The following CDH4 variants were observed in gnomAD, a reference collection of about 807,000 sequenced individuals.
CDH4 encodes the protein cadherin-4.
Under a neutral mutation model 86.0 loss-of-function variants are expected in CDH4, and 33 were observed. That is an observed-to-expected ratio of 0.38 (90% CI 0.29 to 0.51). CDH4 has a LOEUF of 0.51. Ranked by LOEUF, CDH4 falls within the 20% of genes least tolerant of loss-of-function variation. The pLI, the probability that CDH4 is intolerant of heterozygous loss-of-function variation, is 0.86. For synonymous variants in CDH4, 555 were observed against 549.4 expected (o/e 1.01, Z -0.14); for missense variants, 1,114 against 1,307.4 (o/e 0.85, Z 2.28).
At chr20:61,282,580 T>G (rs1405211943) in intron 2 of CDH4, among the ~76,000 whole-genome samples, 3 of 151,954 alleles carry the variant, frequency 2.0e-5, no homozygotes, top group South Asian at 4.2e-4. Context: ...TGTATGTCTA[T>G]CTGTACTTGT....
chr20:61,312,498 G>T (rs4810232), intron 2 of CDH4, among the ~76,000 whole-genome samples: 86,806 of 151,612 alleles, frequency 0.57, 25,967 homozygotes, highest in Non-Finnish European at 0.66. Context: ...CCAGCCCCCG[G>T]GTGCACAGGT....
At chr20:61,884,910 G>A (rs559067904) in intron 7 of CDH4, among the ~76,000 whole-genome samples, 31 of 152,232 alleles carry the variant, frequency 2.0e-4, no homozygotes, top group East Asian at 9.7e-4. Context: ...CTGGAGCCCC[G>A]GGCTAAGAGT....
intron 9 of CDH4, among the ~76,000 whole-genome samples, chr20:61,915,991 TTTC>T (rs1238793518): frequency 6.6e-6 from 1 of 152,214 alleles, no homozygotes; most frequent in Non-Finnish European, 1.5e-5. Context: ...AACCACACTT[TTTC>T]TTTTTTCTTT....
At chr20:61,624,432 C>T (rs1307116409) in intron 2 of CDH4, among the ~76,000 whole-genome samples, 2 of 152,186 alleles carry the variant, frequency 1.3e-5, no homozygotes, top group Non-Finnish European at 2.9e-5. Flanking sequence ...ATCACAGATG[C>T]ACCCCAGGAG....
chr20:61,844,560 A>G (rs1356213462), intron 4 of CDH4, 108 bp from the exon 5 acceptor site: 16 of 1,065,332 alleles, frequency 1.5e-5, no homozygotes, highest in Non-Finnish European at 1.8e-5. Flanking sequence ...TTGTACCTGA[A>G]AATGGTCGAG....
At chr20:61,651,839 T>G (rs2087124548) in intron 2 of CDH4, among the ~76,000 whole-genome samples, 1 of 152,258 alleles carries the variant, frequency 6.6e-6, no homozygotes, top group Non-Finnish European at 1.5e-5. Context: ...TTTTCAGTCA[T>G]TCTGTCTTTG....
intron 2 of CDH4, among the ~76,000 whole-genome samples, chr20:61,271,996 C>T (rs543434186): frequency 1.3e-5 from 2 of 152,162 alleles, no homozygotes; most frequent in Non-Finnish European, 1.5e-5. Context: ...AGCGGGGGAC[C>T]GGGAGGCAAG....
At chr20:61,897,439 G>C (rs1985182512) in intron 8 of CDH4, among the ~76,000 whole-genome samples, 1 of 151,806 alleles carries the variant, frequency 6.6e-6, no homozygotes, top group Non-Finnish European at 1.5e-5. Flanking sequence ...TCAGCCACCA[G>C]CGCTGACCAG....
intron 2 of CDH4, among the ~76,000 whole-genome samples, chr20:61,693,146 C>G (rs1002951179): frequency 6.6e-6 from 1 of 152,164 alleles, no homozygotes; most frequent in African/African-American, 2.4e-5. Context: ...CAGTCACTTT[C>G]AAGGCACACC....
At chr20:61,511,093 C>T (rs1338245334) in intron 2 of CDH4, among the ~76,000 whole-genome samples, 1 of 152,242 alleles carries the variant, frequency 6.6e-6, no homozygotes, top group Non-Finnish European at 1.5e-5. Context: ...GCCCCACCTC[C>T]AACACTGGGG....
At chr20:61,445,396 A>G (rs1036325841) in intron 2 of CDH4, among the ~76,000 whole-genome samples, 1 of 152,230 alleles carries the variant, frequency 6.6e-6, no homozygotes, top group Non-Finnish European at 1.5e-5. Flanking sequence ...TCTCTCCTTC[A>G]AAGTGAGTGG....
intron 2 of CDH4, among the ~76,000 whole-genome samples, chr20:61,441,020 A>C (rs2085312575): frequency 6.6e-6 from 1 of 152,196 alleles, no homozygotes; most frequent in Non-Finnish European, 1.5e-5. Flanking sequence ...TCACTTCAAA[A>C]ACATTTTCTG....
intron 2 of CDH4, among the ~76,000 whole-genome samples, chr20:61,526,878 G>A (rs908334955): frequency 6.6e-6 from 1 of 152,190 alleles, no homozygotes; most frequent in African/African-American, 2.4e-5. Flanking sequence ...ATGAGCAACT[G>A]AAAAATTAAC....
intron 4 of CDH4, among the ~76,000 whole-genome samples, chr20:61,779,835 G>A (rs1978442944): frequency 6.6e-6 from 1 of 152,256 alleles, no homozygotes; most frequent in African/African-American, 2.4e-5. Context: ...CCGTGGCAGG[G>A]GCCCCATAAA....
intron 2 of CDH4, among the ~76,000 whole-genome samples, chr20:61,726,988 A>G (rs1170897172): frequency 6.7e-6 from 1 of 150,030 alleles, no homozygotes; most frequent in Admixed American, 6.6e-5. Flanking sequence ...CACCATAGGT[A>G]CCATCATCAT....
At chr20:61,706,013 G>A (rs906095260) in intron 2 of CDH4, among the ~76,000 whole-genome samples, 3 of 152,230 alleles carry the variant, frequency 2.0e-5, no homozygotes, top group Admixed American at 6.5e-5. Context: ...GCTTGGACTG[G>A]ACTTGGGATC....
rs1283783438 is a variant in CDH4, at chr20:61,754,724, T to C, written c.396+10935T>C. Among the ~76,000 whole-genome samples the C allele has an allele frequency of 8.0e-6, 1 of 125,634 alleles. No homozygotes were observed. Among genetic ancestry groups the C allele is most frequent in the Non-Finnish European group, 1.6e-5 (1 of 61,042 alleles). The allele number at this position is 125,634 out of a possible 152,430, so 82.4% of individuals were successfully genotyped here. A position where few individuals can be genotyped will look rare whatever the true frequency, so the allele number is the denominator to read the frequency against. The stretch of plus-strand genomic sequence containing the variant: ...CATGCCACACACACCGCACACACAC[T>C]GCACGCCCCGCACACACTATGCACA... On this transcript the variant is annotated intron_variant, in intron 3 of 15. Coordinates refer to ENST00000614565, the MANE Select transcript of CDH4 (RefSeq NM_001794.5). The surrounding 1 kb of genome is among the most constrained non-coding windows in gnomAD (Gnocchi z 4.7).
intron 2 of CDH4, among the ~76,000 whole-genome samples, chr20:61,521,359 G>T (rs999458610): frequency 6.6e-6 from 1 of 152,206 alleles, no homozygotes; most frequent in Non-Finnish European, 1.5e-5. Flanking sequence ...ATCACTTGGG[G>T]AGTATATTTT....
intron 4 of CDH4, among the ~76,000 whole-genome samples, chr20:61,827,554 ACTC>A (rs1049509264): frequency 6.6e-6 from 1 of 152,176 alleles, no homozygotes; most frequent in Non-Finnish European, 1.5e-5. Context: ...ATTAATGTGA[ACTC>A]CTGATATATG....
Sources: allele counts gnomAD v4.1 joint callset (sites outside exome capture counted in the v4.1 genomes callset), GRCh38; gene constraint gnomAD v4.1.1; non-coding constraint Gnocchi (gnomAD v3.1); transcripts MANE v1.5; gene names NCBI Gene and HGNC (gene_info 2026-07-23, HGNC 2026-07-21).